The following USP49 variants were observed in gnomAD, a reference collection of about 807,000 sequenced individuals.
USP49 encodes the protein ubiquitin specific peptidase 49.
USP49 carries 24 observed loss-of-function variants against 58.6 expected under a neutral mutation model. That is an observed-to-expected ratio of 0.41 (90% confidence interval 0.30 to 0.58). The LOEUF (loss-of-function observed/expected upper bound fraction) is 0.58. Among genes scored for constraint, USP49 ranks in the 20% least tolerant of loss-of-function variants. USP49 has a pLI of 0.30. For missense variants in USP49, 703 were observed against 866.1 expected (o/e 0.81, Z 2.36); for synonymous variants, 408 against 365.1 (o/e 1.12, Z -1.34).
chr6:41,860,267 G>C (rs1448618309), intron 3 of USP49, among the ~76,000 whole-genome samples: 1 of 151,462 alleles, frequency 6.6e-6, no homozygotes, highest in Non-Finnish European at 1.5e-5. Context: ...GAGAGAGGGA[G>C]GGAGGGAGAG....
intron 3 of USP49, among the ~76,000 whole-genome samples, chr6:41,852,103 A>T (rs1262751772): frequency 1.3e-5 from 2 of 152,076 alleles, no homozygotes; most frequent in Non-Finnish European, 2.9e-5. Context: ...AGGAGGGCGG[A>T]TCACCTGAAG....
intron 3 of USP49, among the ~76,000 whole-genome samples, chr6:41,860,827 T>C (rs1413338070): frequency 6.6e-6 from 1 of 152,062 alleles, no homozygotes; most frequent in Non-Finnish European, 1.5e-5. Flanking sequence ...ATTATTATTT[T>C]TTAAAGAACT....
intron 3 of USP49, among the ~76,000 whole-genome samples, chr6:41,818,041 G>A (rs1773387908): frequency 6.6e-6 from 1 of 151,996 alleles, no homozygotes; most frequent in African/African-American, 2.4e-5. Flanking sequence ...TTTTTGTTTG[G>A]TAGCAGTGAT....
At chr6:41,836,596 T>C (rs1189310125) in intron 3 of USP49, among the ~76,000 whole-genome samples, 4 of 152,156 alleles carry the variant, frequency 2.6e-5, no homozygotes, top group African/African-American at 9.7e-5. Flanking sequence ...TTGCAGATGA[T>C]ATAATGTTAT....
chr6:41,880,098 A>G (rs538313452), intron 2 of USP49, among the ~76,000 whole-genome samples: 19 of 152,192 alleles, frequency 1.2e-4, no homozygotes, highest in Non-Finnish European at 2.4e-4. Context: ...GAGCTAGTCC[A>G]TCTGAAACAA....
intron 3 of USP49, among the ~76,000 whole-genome samples, chr6:41,819,181 A>G (rs1773411407): frequency 6.6e-6 from 1 of 152,128 alleles, no homozygotes; most frequent in Non-Finnish European, 1.5e-5. Flanking sequence ...GGTATTTAGA[A>G]TATCTATACA....
rs537758423 is a variant in USP49, at chr6:41,798,672, A to G, written c.1876+52T>C. The G allele has an allele frequency of 1.3e-5, 21 of 1,613,306 alleles. No individual in the cohort carries two copies. The South Asian group carries it at 1.6e-4, about 13-fold the overall frequency. The stretch of plus-strand genomic sequence containing the variant: ...ATAAAAGGAAAACAATAAAATGTGG[A>G]CAAATCAACCCCTTTCCGTGTCCCC... On this transcript the variant is annotated intron_variant, in intron 7 of 7. Transcript: ENST00000682992.
chr6:41,809,967 C>A (rs1773221386), intron 3 of USP49, among the ~76,000 whole-genome samples: 1 of 149,558 alleles, frequency 6.7e-6, no homozygotes, highest in South Asian at 2.1e-4. Context: ...CTGGCTAACA[C>A]GGTGAAACCC....
chr6:41,865,449 T>C (rs1231990655), intron 3 of USP49, among the ~76,000 whole-genome samples: 1 of 152,134 alleles, frequency 6.6e-6, no homozygotes, highest in African/African-American at 2.4e-5. Context: ...ATTGTTACGC[T>C]GGGGTTCCAC....
chr6:41,878,840 A>G (rs1329947368), intron 2 of USP49, among the ~76,000 whole-genome samples: 4 of 152,142 alleles, frequency 2.6e-5, no homozygotes, highest in Admixed American at 6.6e-5. Flanking sequence ...TATCAGCAGG[A>G]TTTTACAGCA....
chr6:41,811,268 T>C (rs1581996872), intron 3 of USP49, among the ~76,000 whole-genome samples: 1 of 152,218 alleles, frequency 6.6e-6, no homozygotes, highest in African/African-American at 2.4e-5. Context: ...TAACAAGATA[T>C]ACAGTAGCCT....
At chr6:41,845,137 A>G (rs895780591) in intron 3 of USP49, among the ~76,000 whole-genome samples, 28 of 152,156 alleles carry the variant, frequency 1.8e-4, no homozygotes, top group Admixed American at 1.8e-3. Flanking sequence ...CTGACCTCAA[A>G]TGATCCACCC....
intron 3 of USP49, among the ~76,000 whole-genome samples, chr6:41,856,362 G>A (rs527641324): frequency 5.3e-5 from 8 of 149,766 alleles, no homozygotes; most frequent in African/African-American, 2.0e-4. Flanking sequence ...GCGACAGAGC[G>A]AGACCCCGTC....
chr6:41,821,926 A>G (rs1471282521), intron 3 of USP49, among the ~76,000 whole-genome samples: 3 of 152,204 alleles, frequency 2.0e-5, no homozygotes, highest in Admixed American at 1.3e-4. Context: ...CCCCCAGTCT[A>G]CATGACGCTG....
intron 3 of USP49, among the ~76,000 whole-genome samples, chr6:41,840,176 T>C (rs565298889): frequency 1.3e-5 from 2 of 151,628 alleles, no homozygotes; most frequent in East Asian, 1.9e-4. Flanking sequence ...AGAACAAGAC[T>C]ATCCTGGCTA....
At chr6:41,810,509 A>T (rs1204701158) in intron 3 of USP49, among the ~76,000 whole-genome samples, 2 of 149,652 alleles carry the variant, frequency 1.3e-5, no homozygotes, top group Non-Finnish European at 3.0e-5. Context: ...AAAAATAAAT[A>T]AAAAATAAAT....
chr6:41,891,482 A>G (rs928298561), intron 2 of USP49, among the ~76,000 whole-genome samples: 14 of 152,240 alleles, frequency 9.2e-5, no homozygotes, highest in African/African-American at 3.4e-4. Flanking sequence ...ATTGAGGAGT[A>G]AACAAGTTAC....
chr6:41,863,909 C>T (rs1465505293), intron 3 of USP49, among the ~76,000 whole-genome samples: 1 of 151,822 alleles, frequency 6.6e-6, no homozygotes, highest in Non-Finnish European at 1.5e-5. Context: ...AGGCATGTGC[C>T]ACCACACCTG....
Position 41,888,735 on chromosome 6 carries a change from G to C in USP49, c.-103+3059C>G, listed in dbSNP as rs141397114. Among the ~76,000 whole-genome samples, 189 of 152,226 alleles carry C rather than the reference G, an allele frequency of 1.2e-3. 3 individuals are homozygous for C. The highest frequency in any genetic ancestry group is 7.9e-3 in the East Asian group (41 of 5,178). Reference sequence around the variant, plus strand: ...CCCAAAGGGCTGGGATTACAGGTGTGAGCCACCGCACCCAGCCACAAGTGC... The same window carrying C: ...CCCAAAGGGCTGGGATTACAGGTGTCAGCCACCGCACCCAGCCACAAGTGC... On this transcript the variant is annotated intron_variant, in intron 2 of 7. Transcript: ENST00000682992.
Sources: allele counts gnomAD v4.1 joint callset (sites outside exome capture counted in the v4.1 genomes callset), GRCh38; gene constraint gnomAD v4.1.1; transcripts MANE v1.5; gene names NCBI Gene and HGNC (gene_info 2026-07-23, HGNC 2026-07-21).